TRPC4AP: variants seen among roughly 807,000 people sequenced by gnomAD.
The protein encoded by TRPC4AP is short transient receptor potential channel 4-associated protein.
A neutral mutation model predicts 99.0 loss-of-function variants in TRPC4AP; 45 were observed. The ratio of observed to expected loss-of-function variants is 0.45; its 90% CI spans 0.36 to 0.58. TRPC4AP has a LOEUF of 0.58. Among genes scored for constraint, TRPC4AP ranks in the 20% least tolerant of loss-of-function variants. The pLI is 0.00. For synonymous variants in TRPC4AP, 408 were observed against 385.8 expected (o/e 1.06, Z -0.67); for missense variants, 879 against 985.3 (o/e 0.89, Z 1.44).
chr20:35,073,210 G>A (rs1227002770), intron 2 of TRPC4AP, among the ~76,000 whole-genome samples: 1 of 152,184 alleles, frequency 6.6e-6, no homozygotes, highest in Non-Finnish European at 1.5e-5. Flanking sequence ...ATACAATCAT[G>A]TCATCTGCAA....
rs1268557850 is a variant in TRPC4AP at position 35,092,655 on chromosome 20, G to T, written c.127C>A (p.Gln43Lys). The change falls in exon 1 of 19, where the codon CAG becomes AAG. Residue 43 changes from glutamine to lysine, a missense_variant. Physicochemically the swap from Gln to Lys is moderately conservative, Grantham distance 53. This residue lies in a region of TRPC4AP where 603 missense variants were observed against 631.8 expected (regional missense o/e 0.95). Transcript: ENST00000252015. ...AGGCCCCGGCCGGTCAGCTGGCCCTGCCGCAGCTGCAGCAGAATGTTACCA... is the reference window on the plus strand; with the variant it reads ...AGGCCCCGGCCGGTCAGCTGGCCCTTCCGCAGCTGCAGCAGAATGTTACCA... ...RPGNILLQLR[Q>K]GQLTGRGLVR... 61 of 1,519,814 alleles carry T rather than the reference G, an allele frequency of 4.0e-5. No homozygotes were observed. The highest frequency in any genetic ancestry group is 5.3e-5 in the Non-Finnish European group (60 of 1,142,218). 94.1% of individuals were successfully genotyped at this position (1,519,814 alleles called of 1,614,324 possible). A position where few individuals can be genotyped will look rare whatever the true frequency, so the allele number is the denominator to read the frequency against.
At chr20:35,018,756 C>T (rs1305922120) in intron 9 of TRPC4AP, among the ~76,000 whole-genome samples, 1 of 152,072 alleles carries the variant, frequency 6.6e-6, no homozygotes, top group Non-Finnish European at 1.5e-5. Flanking sequence ...GGCAGGTGGG[C>T]GAGATGAAGT....
chr20:35,008,592 A>G, intron 13 of TRPC4AP, 72 bp downstream of exon 13: 1 of 1,327,248 alleles, frequency 7.5e-7, no homozygotes, highest in Non-Finnish European at 1.1e-6. Context: ...TAAAGGAGGT[A>G]TTCCTAACCT....
At chr20:35,011,202 A>G (rs2082627997) in intron 11 of TRPC4AP, among the ~76,000 whole-genome samples, 1 of 152,224 alleles carries the variant, frequency 6.6e-6, no homozygotes, top group East Asian at 1.9e-4. Context: ...GGTTGCAGTG[A>G]GCCAAGATCA....
intron 12 of TRPC4AP, among the ~76,000 whole-genome samples, chr20:35,009,040 TG>T (rs2082575391): frequency 6.6e-6 from 1 of 152,152 alleles, no homozygotes; most frequent in African/African-American, 2.4e-5. Context: ...ACCAAAAGTG[TG>T]TTGAAACAGG....
At chr20:35,037,652 A>T (rs2083351766) in intron 7 of TRPC4AP, among the ~76,000 whole-genome samples, 1 of 152,270 alleles carries the variant, frequency 6.6e-6, no homozygotes, top group Non-Finnish European at 1.5e-5. Context: ...GAAAGAAACC[A>T]GATTCAGAAG....
At position 35,016,091 on chromosome 20, in the gene TRPC4AP, AATT is replaced by A; in HGVS notation, c.1264_1266del (p.Asn422del). 6.2e-7 allele frequency: 1 copy of A among 1,614,200 alleles called. No individual in the cohort carries two copies. Among genetic ancestry groups the A allele is most frequent in the Non-Finnish European group, 8.5e-7 (1 of 1,180,040 alleles). ...TTCCTCCAAATCAGTTTGTCAAACA[AATT>A]ATTAAGTCCAGGGATCAGCTTGAAC... is the stretch of plus-strand genomic sequence containing the variant. On this transcript the variant is annotated inframe_deletion, in exon 10 of 19. Coordinates refer to ENST00000252015, the MANE Select transcript of TRPC4AP (RefSeq NM_015638.3).
chr20:35,050,174 A>G (rs1204002770), intron 5 of TRPC4AP, among the ~76,000 whole-genome samples, 180 bp from the exon 6 acceptor site: 2 of 152,212 alleles, frequency 1.3e-5, no homozygotes, highest in African/African-American at 4.8e-5. Context: ...CTATGGAAGA[A>G]AAAAGTCTCC....
At position 35,003,443 on chromosome 20, in the gene TRPC4AP, C is replaced by T. The variant is rs778639752; in HGVS notation, c.2223G>A (p.Leu741=). 2.5e-6 allele frequency: 4 copies of T among 1,614,146 alleles called. No individual in the cohort carries two copies. The South Asian group carries it at 3.3e-5, about 13-fold the overall frequency. Residue 741 remains leucine, a synonymous_variant, in exon 18 of 19, where the codon CTG becomes CTA. Coordinates refer to ENST00000252015, the MANE Select transcript of TRPC4AP (RefSeq NM_015638.3). ...NLLRFWQQHY[L]HKDKDSTCLE... ...GGCAGGTGCTGTCCTTGTCCTTGTG[C>T]AGGTAGTGCTGCTGCCAGAAGCGCA...
intron 1 of TRPC4AP, among the ~76,000 whole-genome samples, chr20:35,086,481 GTGTGTATATATATATGTGTATATATA>G (rs2084863513): frequency 8.0e-6 from 1 of 125,004 alleles, no homozygotes; most frequent in Non-Finnish European, 1.6e-5. Context: ...GTGTGTATGT[GTGTGTATATATATATGTGTATATATA>G]TGTGTGTGTG....
intron 5 of TRPC4AP, among the ~76,000 whole-genome samples, chr20:35,052,029 G>A (rs2083711684): frequency 6.6e-6 from 1 of 151,838 alleles, no homozygotes; most frequent in African/African-American, 2.4e-5. Flanking sequence ...ATATATAAAA[G>A]GTTGTATGCA....
chr20:35,036,241 T>A (rs1332068677), intron 7 of TRPC4AP, among the ~76,000 whole-genome samples: 1 of 152,188 alleles, frequency 6.6e-6, no homozygotes, highest in Non-Finnish European at 1.5e-5. Context: ...CATGTTTGCC[T>A]GTATATGCAT....
chr20:35,068,540 A>AT (rs1162141959), intron 3 of TRPC4AP, among the ~76,000 whole-genome samples: 2 of 151,418 alleles, frequency 1.3e-5, no homozygotes, highest in African/African-American at 4.9e-5. Context: ...TAACCATTTA[A>AT]TTTTTTTTTG....
At chr20:35,091,715 A>C (rs528342451) in intron 1 of TRPC4AP, among the ~76,000 whole-genome samples, 2 of 152,332 alleles carry the variant, frequency 1.3e-5, no homozygotes, top group South Asian at 4.1e-4. Flanking sequence ...CTCAAAAATA[A>C]CAATAATCAT....
At chr20:35,032,761 C>A (rs1363916039) in intron 8 of TRPC4AP, among the ~76,000 whole-genome samples, 1 of 152,180 alleles carries the variant, frequency 6.6e-6, no homozygotes, top group South Asian at 2.1e-4. Flanking sequence ...TGTGAGCCAA[C>A]GCGCCCAGCC....
intron 7 of TRPC4AP, among the ~76,000 whole-genome samples, chr20:35,044,008 G>A (rs1483021878): frequency 6.6e-6 from 1 of 152,150 alleles, no homozygotes; most frequent in East Asian, 1.9e-4. Flanking sequence ...CAAATCTAAT[G>A]AAAGGTATGG....
intron 2 of TRPC4AP, among the ~76,000 whole-genome samples, chr20:35,073,609 C>T (rs1012219000): frequency 2.0e-5 from 3 of 152,048 alleles, no homozygotes; most frequent in African/African-American, 7.3e-5. Context: ...GCCTTGTATC[C>T]CAGGGATGAA....
chr20:35,025,184 CT>C (rs2082997745), intron 8 of TRPC4AP, among the ~76,000 whole-genome samples: 1 of 152,036 alleles, frequency 6.6e-6, no homozygotes, highest in African/African-American at 2.4e-5. Flanking sequence ...GTATGAAGTA[CT>C]ATATCATTGT....
intron 3 of TRPC4AP, among the ~76,000 whole-genome samples, chr20:35,059,003 C>T (rs763573189): frequency 6.6e-6 from 1 of 151,984 alleles, no homozygotes; most frequent in Non-Finnish European, 1.5e-5. Flanking sequence ...AAAATTGTTT[C>T]TAATCGATAA....
Sources: gnomAD v4.1 joint callset for allele counts (sites outside exome capture counted in the v4.1 genomes callset) on GRCh38, gnomAD v4.1.1 for gene constraint, gnomAD v4.1.1 regional missense constraint, MANE v1.5 for transcripts, NCBI Gene and HGNC (gene_info 2026-07-23, HGNC 2026-07-21) for gene names.